CLDN14: variants seen among roughly 807,000 people sequenced by gnomAD.
The protein encoded by CLDN14 is claudin-14.
Under a neutral mutation model 2.1 loss-of-function variants are expected in CLDN14, and 2 were observed. That is an observed-to-expected ratio of 0.96 (90% confidence interval 0.39 to 3.01). CLDN14 has a LOEUF of 3.01. CLDN14 is among the 30% of genes most tolerant of loss of function. CLDN14 has a pLI of 0.09. For synonymous variants in CLDN14, 136 were observed against 154.4 expected (o/e 0.88, Z 0.88); for missense variants, 298 against 328.0 (o/e 0.91, Z 0.71).
chr21:36,553,189 T>C (rs2087574974), intron 1 of CLDN14, among the ~76,000 whole-genome samples: 1 of 152,146 alleles, frequency 6.6e-6, no homozygotes. Flanking sequence ...CCCCCGTCTG[T>C]TGGAAGGACT....
At chr21:36,469,306 A>C (rs527395236) in intron 1 of CLDN14, among the ~76,000 whole-genome samples, 22 of 130,036 alleles carry the variant, frequency 1.7e-4, no homozygotes, top group Admixed American at 5.4e-4. Flanking sequence ...CTTCATTACT[A>C]TTCCAAACTT....
At chr21:36,546,859 T>G (rs2087529245) in intron 1 of CLDN14, among the ~76,000 whole-genome samples, 1 of 152,324 alleles carries the variant, frequency 6.6e-6, no homozygotes, top group African/African-American at 2.4e-5. Context: ...AAATCAGCAG[T>G]TCTTACATTT....
intron 1 of CLDN14, among the ~76,000 whole-genome samples, chr21:36,519,567 C>T (rs1490457487): frequency 6.6e-6 from 1 of 151,928 alleles, no homozygotes; most frequent in East Asian, 1.9e-4. Context: ...AAAATTAGCC[C>T]GGTGTGGTGG....
intron 1 of CLDN14, among the ~76,000 whole-genome samples, chr21:36,469,972 G>A (rs1039122706): frequency 2.6e-5 from 4 of 151,786 alleles, no homozygotes; most frequent in African/African-American, 7.3e-5. Context: ...ATTTTTCAAG[G>A]TGCAGGTCAT....
chr21:36,503,820 A>G (rs952450831), intron 2 of CLDN14, among the ~76,000 whole-genome samples: 3 of 152,112 alleles, frequency 2.0e-5, no homozygotes, highest in South Asian at 2.1e-4. Flanking sequence ...AAATATATGC[A>G]ATGAATACAA....
At chr21:36,462,795 G>T (rs112005761) in intron 1 of CLDN14, among the ~76,000 whole-genome samples, 150 of 152,094 alleles carry the variant, frequency 9.9e-4, no homozygotes, top group Non-Finnish European at 1.8e-3. Context: ...CAGGCATCCC[G>T]TAATCCCAGC....
intron 1 of CLDN14, among the ~76,000 whole-genome samples, chr21:36,542,174 A>G (rs1439848336): frequency 6.6e-6 from 1 of 152,196 alleles, no homozygotes; most frequent in African/African-American, 2.4e-5. Context: ...CATCTTGGTC[A>G]GGCTGGTCTT....
chr21:36,475,473 G>A (rs184437793), intron 1 of CLDN14, among the ~76,000 whole-genome samples: 1 of 152,344 alleles, frequency 6.6e-6, no homozygotes, highest in Admixed American at 6.5e-5. Context: ...TGACTGGGGT[G>A]GGGTCCATGC....
intron 1 of CLDN14, among the ~76,000 whole-genome samples, chr21:36,527,395 G>A (rs1171164756): frequency 6.6e-6 from 1 of 152,174 alleles, no homozygotes; most frequent in Non-Finnish European, 1.5e-5. Flanking sequence ...GCTGCGTCCA[G>A]AATAATTGGA....
intron 1 of CLDN14, among the ~76,000 whole-genome samples, chr21:36,534,399 G>A (rs1023073869): frequency 3.3e-5 from 5 of 152,192 alleles, no homozygotes; most frequent in African/African-American, 9.6e-5. Context: ...CGATCCCCCC[G>A]TGGGAACCAG....
At chr21:36,571,135 C>T (rs2087707543) in intron 1 of CLDN14, among the ~76,000 whole-genome samples, 1 of 152,250 alleles carries the variant, frequency 6.6e-6, no homozygotes, top group Non-Finnish European at 1.5e-5. Context: ...CCGCCGTGCC[C>T]AGCCTGCATC....
chr21:36,471,674 A>G (rs192538842), intron 1 of CLDN14, among the ~76,000 whole-genome samples: 2 of 152,372 alleles, frequency 1.3e-5, no homozygotes, highest in African/African-American at 4.8e-5. Flanking sequence ...GCCTTTAGTC[A>G]GGACTTACAG....
At chr21:36,520,571 A>G (rs537342259) in intron 1 of CLDN14, among the ~76,000 whole-genome samples, 1 of 152,284 alleles carries the variant, frequency 6.6e-6, no homozygotes, top group Non-Finnish European at 1.5e-5. Context: ...ACCTTCTGCC[A>G]TGATTGTGAG....
intron 2 of CLDN14, among the ~76,000 whole-genome samples, chr21:36,488,261 C>CCTTCCTTCCTTCCTTCCTTA (rs2086920167): frequency 6.7e-6 from 1 of 149,936 alleles, no homozygotes; most frequent in East Asian, 2.0e-4. Flanking sequence ...TTCCTTCCTT[C>CCTTCCTTCCTTCCTTCCTTA]CTTCCTTCCT....
intron 1 of CLDN14, among the ~76,000 whole-genome samples, chr21:36,517,455 T>C (rs1291588167): frequency 7.9e-5 from 12 of 152,336 alleles, no homozygotes; most frequent in African/African-American, 2.6e-4. Flanking sequence ...GTTCACCTTC[T>C]TGATGCTGCC....
chr21:36,483,575 CT>C (rs911081025), upstream of CLDN14, among the ~76,000 whole-genome samples: 170 of 152,292 alleles, frequency 1.1e-3, no homozygotes, highest in African/African-American at 3.8e-3. Context: ...ACCAGGGTTT[CT>C]TCTTTCTCCA....
At chr21:36,490,455 C>T (rs546274319) in intron 2 of CLDN14, among the ~76,000 whole-genome samples, 2 of 136,492 alleles carry the variant, frequency 1.5e-5, no homozygotes, top group African/African-American at 5.6e-5. Context: ...GTGGCGTGAT[C>T]TTGGCTCACT....
At chr21:36,525,160 C>G (rs1479358503) in intron 1 of CLDN14, among the ~76,000 whole-genome samples, 1 of 152,124 alleles carries the variant, frequency 6.6e-6, no homozygotes, top group African/African-American at 2.4e-5. Context: ...CTACCCAGCC[C>G]AGCCCTGTGA....
At chr21:36,562,388 A>G (rs1173037920) in intron 1 of CLDN14, among the ~76,000 whole-genome samples, 3 of 152,188 alleles carry the variant, frequency 2.0e-5, no homozygotes, top group Non-Finnish European at 4.4e-5. Flanking sequence ...CAGGAAACAC[A>G]TGGGACATCC....
Sources: gnomAD v4.1 joint callset for allele counts (sites outside exome capture counted in the v4.1 genomes callset) on GRCh38, gnomAD v4.1.1 for gene constraint, MANE v1.5 for transcripts, NCBI Gene and HGNC (gene_info 2026-07-23, HGNC 2026-07-21) for gene names.